Variants in PHF14 observed in about 807,000 individuals in gnomAD.
The protein encoded by PHF14 is PHD finger protein 14.
A neutral mutation model predicts 117.9 loss-of-function variants in PHF14; 55 were observed. The ratio of observed to expected loss-of-function variants is 0.47; its 90% CI spans 0.38 to 0.58. The LOEUF is 0.58. Ranked by LOEUF, PHF14 falls within the 20% of genes least tolerant of loss-of-function variation. The pLI is 0.00. For missense variants in PHF14, 978 were observed against 1,122.2 expected, an observed-to-expected ratio of 0.87 and a Z score of 1.84; for synonymous variants, 409 against 368.6, an observed-to-expected ratio of 1.11 and a Z score of -1.26.
chr7:11,045,065 A>G (rs1334129671), intron 13 of PHF14, among the ~76,000 whole-genome samples: 1 of 152,150 alleles, frequency 6.6e-6, no homozygotes, highest in Non-Finnish European at 1.5e-5. Context: ...CCTTTTCCCC[A>G]TCCTACATTC....
intron 17 of PHF14, among the ~76,000 whole-genome samples, chr7:11,154,622 A>C (rs1448605645): frequency 1.3e-5 from 2 of 152,166 alleles, no homozygotes; most frequent in Non-Finnish European, 2.9e-5. Flanking sequence ...TTATGCTAAC[A>C]TTATTGCTTT....
At chr7:11,136,217 A>G (rs533163711) in intron 17 of PHF14, among the ~76,000 whole-genome samples, 1 of 152,302 alleles carries the variant, frequency 6.6e-6, no homozygotes, top group African/African-American at 2.4e-5. Flanking sequence ...CCGCAGTGCC[A>G]AATCTATTGT....
intron 6 of PHF14, among the ~76,000 whole-genome samples, chr7:11,026,848 A>G (rs1252283032): frequency 6.6e-6 from 1 of 152,070 alleles, no homozygotes; most frequent in Admixed American, 6.5e-5. Flanking sequence ...TTGCTTTAAG[A>G]AAACATCACT....
In PHF14 at chr7:10,995,718, G is replaced by A. The variant is rs113588281; in HGVS notation, c.1045+4871G>A. 3.6e-3 allele frequency among the ~76,000 whole-genome samples: 545 copies of A among 152,344 alleles called. 2 individuals carry two copies. Among genetic ancestry groups the A allele is most frequent in the African/African-American group, 0.013 (530 of 41,580 alleles). On this transcript the variant is annotated intron_variant, in intron 4 of 17. Transcript: ENST00000634607. Reference sequence around the variant, plus strand: ...CCCGCAGGGAGGCAGCTGAGGCCCGGCGAGAATTTGAGAGCAGCGCCGGCG... The same window carrying A: ...CCCGCAGGGAGGCAGCTGAGGCCCGACGAGAATTTGAGAGCAGCGCCGGCG...
At chr7:11,041,414 G>C (rs73678569) in intron 12 of PHF14, among the ~76,000 whole-genome samples, 1 of 151,518 alleles carries the variant, frequency 6.6e-6, no homozygotes, top group South Asian at 2.1e-4. Context: ...TTTAGAAGAT[G>C]CTGGTGTTTT....
intron 14 of PHF14, among the ~76,000 whole-genome samples, chr7:11,054,497 T>C (rs1257081648): frequency 2.0e-5 from 3 of 152,006 alleles, no homozygotes; most frequent in Admixed American, 1.3e-4. Context: ...CAGAAGGGAG[T>C]GATCAGTCAT....
At chr7:11,010,596 G>A (rs1583361947) in intron 4 of PHF14, among the ~76,000 whole-genome samples, 1 of 151,496 alleles carries the variant, frequency 6.6e-6, no homozygotes, top group Non-Finnish European at 1.5e-5. Flanking sequence ...ACTATATTTA[G>A]CATAACTATT....
chr7:11,107,754 T>C, intron 16 of PHF14: 2 of 864,992 alleles, frequency 2.3e-6, no homozygotes, highest in African/African-American at 3.6e-5. Context: ...CCCTATACTT[T>C]TGTGGGTCAA....
At chr7:11,062,803 A>C (rs1449231636) in intron 16 of PHF14, 1 of 985,220 alleles carries the variant, frequency 1.0e-6, no homozygotes, top group Non-Finnish European at 1.2e-6. Flanking sequence ...GTGTGTGAAC[A>C]AAAAGAGAGC....
At chr7:10,987,212 C>T (rs1357816600) in intron 3 of PHF14, among the ~76,000 whole-genome samples, 2 of 152,048 alleles carry the variant, frequency 1.3e-5, no homozygotes, top group African/African-American at 4.8e-5. Flanking sequence ...TTATAAATAT[C>T]GAGATTCATG....
chr7:11,023,101 C>T (rs1372822861), intron 6 of PHF14, 122 bp downstream of exon 6: 1 of 521,876 alleles, frequency 1.9e-6, no homozygotes, highest in African/African-American at 1.9e-5. Context: ...CTATTTAGCA[C>T]TAAATCATTT....
chr7:11,120,620 T>G (rs2128345723), intron 17 of PHF14, among the ~76,000 whole-genome samples: 1 of 152,174 alleles, frequency 6.6e-6, no homozygotes, highest in South Asian at 2.1e-4. Flanking sequence ...CATTCATGGC[T>G]CCCTAAATTT....
At chr7:11,144,893 G>C (rs908589712) in intron 17 of PHF14, among the ~76,000 whole-genome samples, 1 of 151,854 alleles carries the variant, frequency 6.6e-6, no homozygotes, top group Non-Finnish European at 1.5e-5. Context: ...AGTAAGAGTA[G>C]TAAAAAATCA....
rs539620518 is a variant in PHF14 at position 10,989,573 on chromosome 7, A to G, written c.901-1130A>G. On this transcript the variant is annotated intron_variant, in intron 3 of 17. Coordinates refer to ENST00000634607, the MANE Select transcript of PHF14 (RefSeq NM_001007157.2). ...TATAATGCAGAAGGTTTAAATGCAA[A>G]CAAGCAGACCCTCTTCTGAAATTTT... Among the ~76,000 whole-genome samples the G allele has an allele frequency of 1.8e-4, 27 of 152,300 alleles. No homozygotes were observed. In the South Asian group the frequency reaches 4.6e-3, roughly 26 times the overall value.
chr7:11,026,725 T>G (rs1783925188), intron 6 of PHF14, among the ~76,000 whole-genome samples: 2 of 151,528 alleles, frequency 1.3e-5, no homozygotes, highest in South Asian at 4.1e-4. Context: ...GAAGCTTGTT[T>G]TTTTTTTTTT....
At chr7:11,089,637 A>G (rs1786561932) in intron 16 of PHF14, among the ~76,000 whole-genome samples, 1 of 152,234 alleles carries the variant, frequency 6.6e-6, no homozygotes, top group Non-Finnish European at 1.5e-5. Context: ...ATACTCAGGC[A>G]AGTTTGAGCA....
intron 12 of PHF14, 132 bp downstream of exon 12, chr7:11,040,907 C>A (rs780952752): frequency 2.4e-4 from 114 of 473,212 alleles, no homozygotes; most frequent in Non-Finnish European, 4.0e-4. Context: ...ATTTGAAGTT[C>A]ATTTTCTCAA....
chr7:11,115,015 A>G (rs763504986), intron 17 of PHF14, among the ~76,000 whole-genome samples: 9 of 151,970 alleles, frequency 5.9e-5, no homozygotes, highest in South Asian at 4.1e-4. Context: ...CTTAACCTCA[A>G]CTTTTCTCTT....
intron 4 of PHF14, among the ~76,000 whole-genome samples, chr7:10,997,565 T>A (rs1209438332): frequency 1.3e-5 from 2 of 152,232 alleles, no homozygotes; most frequent in Non-Finnish European, 2.9e-5. Flanking sequence ...GTTGGGTTGT[T>A]CTGGCTTAGA....
Sources: allele counts gnomAD v4.1 joint callset (sites outside exome capture counted in the v4.1 genomes callset), GRCh38; gene constraint gnomAD v4.1.1; transcripts MANE v1.5; gene names NCBI Gene and HGNC (gene_info 2026-07-23, HGNC 2026-07-21).